The following ODAD4 variants were observed in gnomAD, a reference collection of about 807,000 sequenced individuals.
ODAD4 encodes outer dynein arm-docking complex subunit 4.
A neutral mutation model predicts 51.8 loss-of-function variants in ODAD4; 49 were observed. The observed-to-expected ratio is 0.95, with a 90% CI of 0.75 to 1.20. ODAD4 has a LOEUF of 1.20. ODAD4 is among the 50% of genes most tolerant of loss of function. The pLI is 0.00. For missense variants in ODAD4, 590 were observed against 586.5 expected, an observed-to-expected ratio of 1.01 and a Z score of -0.06; for synonymous variants, 235 against 221.3, an observed-to-expected ratio of 1.06 and a Z score of -0.55.
chr17:41,941,798 G>T (rs1445941041), intron 7 of ODAD4, among the ~76,000 whole-genome samples: 1 of 149,298 alleles, frequency 6.7e-6, no homozygotes, highest in Non-Finnish European at 1.5e-5. Flanking sequence ...GAAAAGAAAA[G>T]CCTGCCTGCT....
In ODAD4 at chr17:41,938,593, T is replaced by C; in HGVS notation, c.662T>C (p.Val221Ala). The part of the protein sequence containing the change: ...IKGTMKGGLT[V>A]EDLIMTGINY... ...GGCACCATGAAGGGCGGCCTGACTG[T>C]GGAGGACCTCATCATGACGGGCATC... The change falls in exon 6 of 12, where the codon GTG becomes GCG. Residue 221 changes from valine (V) to alanine (A), a missense_variant. By Grantham distance (64) the Val-to-Ala change is moderately conservative. Around this residue, in one of 3 missense-constraint regions of ODAD4, gnomAD observed 360 missense variants for 407.5 expected, o/e 0.88. Transcript: ENST00000377540. The C allele has an allele frequency of 6.2e-7, 1 of 1,613,912 alleles. No homozygotes were observed. The highest frequency in any genetic ancestry group is 8.5e-7 in the Non-Finnish European group (1 of 1,179,870).
chr17:41,951,841 G>A (rs1244026248), intron 9 of ODAD4, among the ~76,000 whole-genome samples: 2 of 133,502 alleles, frequency 1.5e-5, no homozygotes, highest in Non-Finnish European at 3.1e-5. Context: ...CCCAGATTGC[G>A]CCACTGTGCT....
At chr17:41,931,231 T>C (rs547934151) in intron 1 of ODAD4, among the ~76,000 whole-genome samples, 1 of 152,058 alleles carries the variant, frequency 6.6e-6, no homozygotes, top group East Asian at 1.9e-4. Flanking sequence ...AACACTGAGG[T>C]CTTGATGATG....
At chr17:41,942,764 C>T (rs1372021449) in intron 7 of ODAD4, among the ~76,000 whole-genome samples, 3 of 152,150 alleles carry the variant, frequency 2.0e-5, no homozygotes, top group Non-Finnish European at 4.4e-5. Flanking sequence ...GGGCTAGGGA[C>T]CAGGGCCTGC....
At chr17:41,960,844 G>A (rs2050796478) in intron 10 of ODAD4, among the ~76,000 whole-genome samples, 1 of 152,150 alleles carries the variant, frequency 6.6e-6, no homozygotes, top group South Asian at 2.1e-4. Context: ...TGCCAGCCAC[G>A]GGCCTGCTAT....
Position 41,930,881 on chromosome 17 carries a change from C to CTTTTTTTTTTT in ODAD4, c.114+63_114+73dup, listed in dbSNP as rs782820445. 104 of 97,232 alleles carry CTTTTTTTTTTT rather than the reference C, an allele frequency of 1.1e-3. 4 individuals carry two copies. Among genetic ancestry groups the CTTTTTTTTTTT allele is most frequent in the South Asian group, 2.0e-3 (28 of 13,788 alleles). 6.0% of individuals were successfully genotyped at this position (97,232 alleles called of 1,614,324 possible). A position where few individuals can be genotyped will look rare whatever the true frequency, so the allele number is the denominator to read the frequency against. On this transcript the variant is annotated intron_variant, in intron 1 of 11. Transcript: ENST00000377540. The stretch of plus-strand genomic sequence containing the variant: ...CTATCCATCACCCCATCACCCGTCA[C>CTTTTTTTTTTT]TTTTTTTTTTTTTTTTTTTTTTTTT...
chr17:41,953,826 C>T (rs1440111984), intron 9 of ODAD4, among the ~76,000 whole-genome samples: 1 of 151,578 alleles, frequency 6.6e-6, no homozygotes, highest in Non-Finnish European at 1.5e-5. Flanking sequence ...CGGCCTCACA[C>T]CCAGCTAATT....
intron 8 of ODAD4, among the ~76,000 whole-genome samples, chr17:41,948,389 T>C (rs2050614185): frequency 6.6e-6 from 1 of 150,660 alleles, no homozygotes; most frequent in South Asian, 2.1e-4. Flanking sequence ...CGATTATAGC[T>C]CACTGCAATT....
At position 41,938,912 on chromosome 17, in the gene ODAD4, G is replaced by A. The variant is rs1598073854; in HGVS notation, c.851-53G>A. 3 of 1,588,476 alleles carry A rather than the reference G, an allele frequency of 1.9e-6. No individual in the cohort carries two copies. In the East Asian group the frequency reaches 6.7e-5, roughly 36 times the overall value. ...TGTCTGCAGGAAGAGGAGTTACCCT[G>A]TCAGCTAAGAGGAGGCTGCCCTGGC... is the stretch of plus-strand genomic sequence containing the variant. On this transcript the variant is annotated intron_variant, in intron 6 of 11. Transcript: ENST00000377540.
At chr17:41,959,013 C>CA (rs72102753) in intron 10 of ODAD4, among the ~76,000 whole-genome samples, 2,468 of 87,876 alleles carry the variant, frequency 0.028, 61 homozygotes, top group African/African-American at 0.09. Flanking sequence ...GACTCCGTCT[C>CA]AAAAAAAAAA....
rs566753332 is a variant in ODAD4, at chr17:41,954,580, G to A, written c.1343-637G>A. Reference sequence around the variant, plus strand: ...AAAAAATATGAATTTCTGGCCGAGCGGTGGCTCACACCTGTAATCCCAGCA... The same window carrying A: ...AAAAAATATGAATTTCTGGCCGAGCAGTGGCTCACACCTGTAATCCCAGCA... On this transcript the variant is annotated intron_variant, in intron 9 of 11. Coordinates refer to ENST00000377540, the MANE Select transcript of ODAD4 (RefSeq NM_031421.5). Among the ~76,000 whole-genome samples the A allele has an allele frequency of 1.9e-4, 29 of 152,002 alleles. No homozygotes were observed. The South Asian group carries it at 5.0e-3, about 26-fold the overall frequency.
intron 5 of ODAD4, among the ~76,000 whole-genome samples, chr17:41,937,813 T>C (rs553327625): frequency 6.6e-6 from 1 of 152,334 alleles, no homozygotes; most frequent in Admixed American, 6.5e-5. Flanking sequence ...AGTGACAGGA[T>C]GAAGGACAGA....
chr17:41,939,326 A>G (rs1253187046), intron 7 of ODAD4, among the ~76,000 whole-genome samples, 154 bp downstream of exon 7: 4 of 152,162 alleles, frequency 2.6e-5, no homozygotes, highest in Non-Finnish European at 4.4e-5. Flanking sequence ...CCACCTGCCC[A>G]GGACTGAGGG....
intron 8 of ODAD4, among the ~76,000 whole-genome samples, chr17:41,947,038 C>T (rs1216552108): frequency 2.0e-5 from 3 of 151,368 alleles, no homozygotes; most frequent in Non-Finnish European, 4.4e-5. Flanking sequence ...TTAGTAGAGA[C>T]GGGGTTTCCC....
chr17:41,931,063 A>G (rs1448400779), intron 1 of ODAD4, among the ~76,000 whole-genome samples: 1 of 150,786 alleles, frequency 6.6e-6, no homozygotes, highest in Non-Finnish European at 1.5e-5. Flanking sequence ...CCGGCTAATT[A>G]TTTTGTCTTT....
chr17:41,935,581 G>C lies in ODAD4; in HGVS notation c.247-18G>C. The stretch of plus-strand genomic sequence containing the variant: ...AGGCCTTATCTGTTCACATTGATTT[G>C]ATTTCCTCCCATTCCAGGGGATTTT... On this transcript the variant is annotated intron_variant, in intron 2 of 11. Coordinates refer to ENST00000377540, the MANE Select transcript of ODAD4 (RefSeq NM_031421.5). 1 of 1,605,670 alleles carries C rather than the reference G, an allele frequency of 6.2e-7. No homozygotes were observed. The highest frequency in any genetic ancestry group is 8.5e-7 in the Non-Finnish European group (1 of 1,175,490).
intron 8 of ODAD4, among the ~76,000 whole-genome samples, chr17:41,945,711 C>T (rs1247710755): frequency 1.3e-5 from 2 of 152,052 alleles, no homozygotes; most frequent in African/African-American, 4.8e-5. Context: ...CCAGCCTGGC[C>T]AACATGGCAA....
In ODAD4 at chr17:41,953,668, T is replaced by TATAGAG. The variant is rs71155199; in HGVS notation, c.1343-1548_1343-1547insTAGAGA. The stretch of plus-strand genomic sequence containing the variant: ...ATTAATTTAATTATATATATATATA[T>TATAGAG]AGAGAGAGAGAGAGAGAGAGACAGG... On this transcript the variant is annotated intron_variant, in intron 9 of 11. Coordinates refer to ENST00000377540, the MANE Select transcript of ODAD4 (RefSeq NM_031421.5). 7.9e-4 allele frequency among the ~76,000 whole-genome samples: 115 copies of TATAGAG among 145,104 alleles called. 1 individual carries two copies. The South Asian group carries it at 0.016, about 20-fold the overall frequency.
At chr17:41,949,068 G>A (rs1411111511) in intron 8 of ODAD4, 85 bp from the exon 9 acceptor site, 8 of 397,548 alleles carry the variant, frequency 2.0e-5, no homozygotes, top group Middle Eastern at 6.3e-4. Context: ...GTTTTATTCC[G>A]CCACCCAGCA....
Sources: gnomAD v4.1 joint callset for allele counts (sites outside exome capture counted in the v4.1 genomes callset) on GRCh38, gnomAD v4.1.1 for gene constraint, gnomAD v4.1.1 regional missense constraint, MANE v1.5 for transcripts, NCBI Gene and HGNC (gene_info 2026-07-23, HGNC 2026-07-21) for gene names.